Variants in RAPH1 observed in about 807,000 individuals in gnomAD.
RAPH1 encodes ras-associated and pleckstrin homology domains-containing protein 1.
RAPH1 carries 18 observed loss-of-function variants against 88.1 expected under a neutral mutation model. The ratio of observed to expected loss-of-function variants is 0.20; its 90% confidence interval spans 0.14 to 0.30. The LOEUF is 0.30. RAPH1 is among the 10% of genes least tolerant of loss of function. The probability of loss-of-function intolerance (pLI) is 1.00; values close to 1 mark genes in which losing one functional copy is unlikely to be tolerated. For synonymous variants in RAPH1, 587 were observed against 559.0 expected (o/e 1.05, Z -0.71); for missense variants, 1,448 against 1,543.2 (o/e 0.94, Z 1.03).
At chr2:203,500,756 G>T (rs1688705809) in intron 1 of RAPH1, among the ~76,000 whole-genome samples, 1 of 152,114 alleles carries the variant, frequency 6.6e-6, no homozygotes, top group Admixed American at 6.5e-5. Flanking sequence ...TTTGGTTAAA[G>T]GTAAATGTGG....
intron 9 of RAPH1, among the ~76,000 whole-genome samples, chr2:203,454,928 GT>G (rs1312675365): frequency 6.6e-6 from 1 of 152,202 alleles, no homozygotes. Flanking sequence ...TTCGCAACTG[GT>G]TGGGGGGAGG....
chr2:203,508,474 TGAAATTACAGTTTTCCCTTGGCACC>T (rs1283633480), intron 1 of RAPH1, among the ~76,000 whole-genome samples: 1 of 152,120 alleles, frequency 6.6e-6, no homozygotes, highest in Admixed American at 6.6e-5. Flanking sequence ...TCTGTAGGTT[TGAAATTACAGTTTTCCCTTGGCACC>T]AGGGGGACTG....
chr2:203,533,410 A>C (rs1690474210), intron 1 of RAPH1: 1 of 152,216 alleles, frequency 6.6e-6, no homozygotes, highest in Non-Finnish European at 1.5e-5. Flanking sequence ...CCACACAAAA[A>C]GCAAAATAAC....
intron 1 of RAPH1, among the ~76,000 whole-genome samples, chr2:203,506,894 ATATAT>A (rs1689109931): frequency 9.9e-6 from 1 of 101,278 alleles, no homozygotes; most frequent in Admixed American, 1.1e-4. Context: ...ATATATATAT[ATATAT>A]TTTTTTTTTT....
intron 1 of RAPH1, among the ~76,000 whole-genome samples, chr2:203,532,570 T>C (rs757812048): frequency 6.6e-6 from 1 of 152,218 alleles, no homozygotes; most frequent in Non-Finnish European, 1.5e-5. Context: ...TGTCTGTGCC[T>C]ATTTTCTCAA....
At chr2:203,474,062 C>T (rs2098535339) in intron 4 of RAPH1, among the ~76,000 whole-genome samples, 1 of 152,150 alleles carries the variant, frequency 6.6e-6, no homozygotes, top group South Asian at 2.1e-4. Context: ...GGGTATCTAA[C>T]CCCAAATTAG....
rs1182927093 is a variant in RAPH1, at chr2:203,440,197, T to C, written c.2993A>G (p.Asp998Gly). 1.9e-6 allele frequency: 3 copies of C among 1,613,844 alleles called. No homozygotes were observed. Among genetic ancestry groups the C allele is most frequent in the Middle Eastern group, 3.3e-4 (2 of 6,062 alleles). ...CGGTGTAAACTTGCTGACTAGACTG[T>C]CCACCGAGGGTCTCTTGGGCTCGGG... ...EHPEPKRPSV[D>G]SLVSKFTPPA... Residue 998 changes from aspartate to glycine, a missense_variant, in exon 14 of 14, where the codon GAC becomes GGC. Asp to Gly is a moderately conservative substitution (Grantham distance 94). This residue lies in a region of RAPH1 where 935 missense variants were observed against 890.1 expected (regional missense o/e 1.05). Transcript: ENST00000319170.
At chr2:203,453,571 AAAAAG>A (rs1319412388) in intron 10 of RAPH1, among the ~76,000 whole-genome samples, 1 of 149,224 alleles carries the variant, frequency 6.7e-6, no homozygotes, top group Non-Finnish European at 1.5e-5. Flanking sequence ...AAAAAAAAAA[AAAAAG>A]GTTGCTACTA....
chr2:203,457,388 C>CT, intron 8 of RAPH1, 142 bp downstream of exon 8: 1 of 734,194 alleles, frequency 1.4e-6, no homozygotes. Flanking sequence ...GTTTCACCAT[C>CT]TTGGGCAGGC....
intron 10 of RAPH1, among the ~76,000 whole-genome samples, chr2:203,450,972 C>T (rs1174972154): frequency 1.3e-5 from 2 of 151,862 alleles, no homozygotes; most frequent in Non-Finnish European, 2.9e-5. Context: ...TTCTCCTCAT[C>T]TCTCTAACCT....
intron 4 of RAPH1, among the ~76,000 whole-genome samples, chr2:203,478,037 T>G (rs1687543260): frequency 1.7e-5 from 2 of 115,120 alleles, no homozygotes; most frequent in Admixed American, 8.1e-5. Flanking sequence ...TAACTTTTTG[T>G]TTTTTTTTTT....
At position 203,489,630 on chromosome 2, in the gene RAPH1, C is replaced by T. The variant is rs561862665; in HGVS notation, c.686G>A (p.Arg229His). Reference sequence around the variant, plus strand: ...ATGTGTCAAATCCAGCTCTTGAGGGCGTGTTACTTTATCAATATCCAAAGA... The same window carrying T: ...ATGTGTCAAATCCAGCTCTTGAGGGTGTGTTACTTTATCAATATCCAAAGA... ...MDSLDIDKVT[R>H]PQELDLTHQG... Residue 229 changes from arginine to histidine, a missense_variant, in exon 4 of 14, where the codon CGC becomes CAC. Transcript: ENST00000319170. 250 of 1,610,986 alleles carry T rather than the reference C, an allele frequency of 1.6e-4. 2 individuals carry two copies. In the South Asian group the frequency reaches 2.7e-3, roughly 17 times the overall value.
intron 4 of RAPH1, among the ~76,000 whole-genome samples, chr2:203,470,736 C>T (rs1487532911): frequency 1.3e-5 from 2 of 152,162 alleles, no homozygotes; most frequent in African/African-American, 2.4e-5. Context: ...TAGTATATTT[C>T]GGTTAGAATA....
intron 4 of RAPH1, among the ~76,000 whole-genome samples, chr2:203,478,493 T>G (rs565836159): frequency 8.5e-5 from 13 of 152,154 alleles, no homozygotes; most frequent in Non-Finnish European, 4.4e-5. Context: ...TTGTTTTTTT[T>G]TGTTTTTCTT....
At chr2:203,455,384 T>C in intron 9 of RAPH1, 53 bp downstream of exon 9, 1 of 1,567,586 alleles carries the variant, frequency 6.4e-7, no homozygotes, top group Non-Finnish European at 8.7e-7. Context: ...TCAATACAAA[T>C]TAAAAGCAAT....
chr2:203,466,139 A>G (rs970919307), intron 4 of RAPH1, among the ~76,000 whole-genome samples: 2 of 152,140 alleles, frequency 1.3e-5, no homozygotes, highest in African/African-American at 2.4e-5. Flanking sequence ...ACCTAGGCAT[A>G]TTTTAGTTTA....
At chr2:203,475,749 TAA>T (rs60658092) in intron 4 of RAPH1, among the ~76,000 whole-genome samples, 49 of 103,544 alleles carry the variant, frequency 4.7e-4, no homozygotes, top group Admixed American at 7.5e-4. Flanking sequence ...ACTTCTTGTA[TAA>T]AAAAAAAAAA....
chr2:203,506,788 A>C (rs988815367), intron 1 of RAPH1, among the ~76,000 whole-genome samples: 5 of 124,050 alleles, frequency 4.0e-5, no homozygotes, highest in Middle Eastern at 3.9e-3. Flanking sequence ...ATCTAGATAT[A>C]TATATCTATA....
At chr2:203,478,476 TCA>T (rs958445267) in intron 4 of RAPH1, among the ~76,000 whole-genome samples, 1 of 151,910 alleles carries the variant, frequency 6.6e-6, no homozygotes, top group African/African-American at 2.4e-5. Flanking sequence ...CATAAGGACA[TCA>T]TTTTTTGTTT....
Sources: gnomAD v4.1 joint callset for allele counts (sites outside exome capture counted in the v4.1 genomes callset) on GRCh38, gnomAD v4.1.1 for gene constraint, gnomAD v4.1.1 regional missense constraint, MANE v1.5 for transcripts, NCBI Gene and HGNC (gene_info 2026-07-23, HGNC 2026-07-21) for gene names.